Variants in CDC14A observed in about 807,000 individuals in gnomAD.
CDC14A encodes cell division cycle 14A.
Under a neutral mutation model 74.4 loss-of-function variants are expected in CDC14A, and 53 were observed. The observed-to-expected ratio is 0.71, with a 90% confidence interval of 0.57 to 0.89. The LOEUF is 0.89. Ranked by LOEUF, CDC14A falls within the 40% of genes least tolerant of loss-of-function variation. CDC14A has a pLI of 0.00. For missense variants in CDC14A, 646 were observed against 713.7 expected (o/e 0.91, Z 1.08); for synonymous variants, 247 against 258.4 (o/e 0.96, Z 0.43).
At chr1:100,447,161 G>A (rs527688529) in intron 7 of CDC14A, among the ~76,000 whole-genome samples, 20 of 152,244 alleles carry the variant, frequency 1.3e-4, no homozygotes, top group African/African-American at 4.8e-4. Flanking sequence ...ATATCTCCTT[G>A]CTTCATGTGA....
intron 8 of CDC14A, among the ~76,000 whole-genome samples, chr1:100,455,812 G>T (rs1028305163): frequency 1.3e-5 from 2 of 152,158 alleles, no homozygotes; most frequent in African/African-American, 4.8e-5. Context: ...TCTTTCAGTG[G>T]TTCTCAGATT....
intron 13 of CDC14A, 116 bp from the exon 14 acceptor site, chr1:100,497,969 A>G (rs1385109267): frequency 9.0e-7 from 1 of 1,109,858 alleles, no homozygotes; most frequent in Non-Finnish European, 1.3e-6. Flanking sequence ...TGTCATCACT[A>G]TTAGGACCTG....
chr1:100,353,802 C>T lies in CDC14A; in HGVS notation c.90C>T (p.Ser30=), dbSNP rs552333705. 1 of 1,608,756 alleles carries T rather than the reference C, an allele frequency of 6.2e-7. No homozygotes were observed. Among genetic ancestry groups the T allele is most frequent in the East Asian group, 2.2e-5 (1 of 44,840 alleles). ...YFATLRNRPK[S]TVNTHYFSID... is the part of the protein sequence containing the mutation. The stretch of plus-strand genomic sequence containing the variant: ...CTACTTTAAGGAATAGACCAAAAAG[C>T]ACAGTAAATACCCACTATTTCTCCA... Residue 30 remains serine, a synonymous_variant, in exon 2 of 16, where the codon AGC becomes AGT. Coordinates refer to ENST00000336454, the MANE Select transcript of CDC14A (RefSeq NM_003672.4).
intron 2 of CDC14A, among the ~76,000 whole-genome samples, chr1:100,374,060 T>C (rs1158211903): frequency 2.0e-5 from 3 of 152,122 alleles, no homozygotes; most frequent in Non-Finnish European, 4.4e-5. Flanking sequence ...CGGTGTTTGG[T>C]TTTTTGTTCT....
At chr1:100,379,435 A>G (rs925918640) in intron 3 of CDC14A, among the ~76,000 whole-genome samples, 1 of 152,228 alleles carries the variant, frequency 6.6e-6, no homozygotes, top group African/African-American at 2.4e-5. Flanking sequence ...TACTTGCTGA[A>G]TGATTGAATT....
At chr1:100,479,097 T>C (rs1669200131) in intron 10 of CDC14A, among the ~76,000 whole-genome samples, 3 of 152,188 alleles carry the variant, frequency 2.0e-5, no homozygotes, top group South Asian at 4.1e-4. Context: ...AGTTTCACAA[T>C]TGGATTGAGC....
chr1:100,488,275 C>T (rs1670250449), intron 11 of CDC14A, among the ~76,000 whole-genome samples: 2 of 152,182 alleles, frequency 1.3e-5, no homozygotes, highest in African/African-American at 4.8e-5. Context: ...TTAATCCTTA[C>T]AGTAGCCATA....
rs534816611 is a variant in CDC14A at position 100,379,336 on chromosome 1, A to G, written c.216+1715A>G. On this transcript the variant is annotated intron_variant, in intron 3 of 15. Transcript: ENST00000336454. ...TCGACATTATTAATAAAGTTTAAAC[A>G]CTCTCCTTGGTTCATTTTAGTGGTA... Among the ~76,000 whole-genome samples, 7 of 152,086 alleles carry G rather than the reference A, an allele frequency of 4.6e-5. No homozygotes were observed. The South Asian group carries it at 1.2e-3, about 27-fold the overall frequency.
chr1:100,376,756 T>C (rs17122340), intron 2 of CDC14A, among the ~76,000 whole-genome samples: 2,318 of 152,234 alleles, frequency 0.015, 63 homozygotes, highest in African/African-American at 0.053. Flanking sequence ...GTGTGTCTTA[T>C]AATACAGAAA....
chr1:100,433,371 A>G (rs1663944852), intron 5 of CDC14A, among the ~76,000 whole-genome samples: 1 of 152,214 alleles, frequency 6.6e-6, no homozygotes, highest in Non-Finnish European at 1.5e-5. Context: ...GTCCTTAAGA[A>G]GCTCATCTTC....
intron 4 of CDC14A, among the ~76,000 whole-genome samples, chr1:100,412,721 T>TA (rs1660944628): frequency 3.0e-5 from 3 of 99,524 alleles, no homozygotes; most frequent in African/African-American, 1.4e-4. Context: ...TATATATATA[T>TA]ATTTTATATA....
chr1:100,471,698 C>G (rs966203812), intron 10 of CDC14A, among the ~76,000 whole-genome samples: 4 of 152,084 alleles, frequency 2.6e-5, no homozygotes, highest in African/African-American at 9.7e-5. Flanking sequence ...CAAAAATATA[C>G]AGACACTTGA....
chr1:100,360,468 C>T (rs541238826), intron 2 of CDC14A, among the ~76,000 whole-genome samples: 4 of 152,018 alleles, frequency 2.6e-5, no homozygotes, highest in South Asian at 2.1e-4. Flanking sequence ...CTCAGCCTCC[C>T]GAATAGCTGG....
chr1:100,388,889 T>C (rs1657247815), intron 3 of CDC14A, among the ~76,000 whole-genome samples: 1 of 152,156 alleles, frequency 6.6e-6, no homozygotes. Flanking sequence ...AAAAGGGCAC[T>C]ACTGGCTGGG....
At chr1:100,459,380 T>C (rs569065788) in intron 8 of CDC14A, among the ~76,000 whole-genome samples, 1 of 152,306 alleles carries the variant, frequency 6.6e-6, no homozygotes, top group South Asian at 2.1e-4. Context: ...GGATTAGAGA[T>C]GTTATGTGAA....
intron 2 of CDC14A, among the ~76,000 whole-genome samples, chr1:100,359,227 CA>C (rs1652347919): frequency 6.6e-6 from 1 of 152,242 alleles, no homozygotes; most frequent in Admixed American, 6.5e-5. Context: ...TACACGCACA[CA>C]TTAACTCAAT....
At chr1:100,467,470 A>C (rs927890777) in intron 9 of CDC14A, among the ~76,000 whole-genome samples, 3 of 152,088 alleles carry the variant, frequency 2.0e-5, no homozygotes, top group Non-Finnish European at 4.4e-5. Context: ...AAATGTTTTC[A>C]TGGATGAAGT....
At position 100,508,892 on chromosome 1, in the gene CDC14A, CCTTT is replaced by C. The variant is rs1031665785; in HGVS notation, c.1756-9351_1756-9348del. 2.7e-4 allele frequency among the ~76,000 whole-genome samples: 41 copies of C among 152,108 alleles called. No homozygotes were observed. The highest frequency in any genetic ancestry group is 9.4e-4 in the African/African-American group (39 of 41,472). On this transcript the variant is annotated intron_variant, in intron 15 of 15. Transcript: ENST00000336454. The surrounding 1 kb of genome is among the most constrained non-coding windows in gnomAD (Gnocchi z 4.4). ...ATCTTGCTTTTAATTTCTGCTGTGC[CCTTT>C]CTTTCTTCTTCATCTTTAAAAAATA... is the stretch of plus-strand genomic sequence containing the variant.
At chr1:100,420,524 G>A (rs1662236450) in intron 4 of CDC14A, among the ~76,000 whole-genome samples, 1 of 152,032 alleles carries the variant, frequency 6.6e-6, no homozygotes, top group South Asian at 2.1e-4. Flanking sequence ...CTTGATATTT[G>A]TTACATTGTT....
Sources: allele counts gnomAD v4.1 joint callset (sites outside exome capture counted in the v4.1 genomes callset), GRCh38; gene constraint gnomAD v4.1.1; non-coding constraint Gnocchi (gnomAD v3.1); transcripts MANE v1.5; gene names NCBI Gene and HGNC (gene_info 2026-07-23, HGNC 2026-07-21).